SGSM1: variants seen among roughly 807,000 people sequenced by gnomAD.
The protein encoded by SGSM1 is small G protein signaling modulator 1, also known as RUN and TBC1 domain containing 2.
SGSM1 carries 73 observed loss-of-function variants against 133.8 expected under a neutral mutation model. That is an observed-to-expected ratio of 0.55 (90% CI 0.45 to 0.66). SGSM1 has a LOEUF of 0.66. Among genes scored for constraint, SGSM1 ranks in the 30% least tolerant of loss-of-function variants. The probability of loss-of-function intolerance (pLI) is 0.00; values close to 1 mark genes in which losing one functional copy is unlikely to be tolerated. For synonymous variants in SGSM1, 563 were observed against 573.0 expected (o/e 0.98, Z 0.25); for missense variants, 1,213 against 1,448.1 (o/e 0.84, Z 2.64).
chr22:24,854,942 T>G (rs903092221), intron 5 of SGSM1, 54 bp from the exon 6 acceptor site: 1 of 1,448,148 alleles, frequency 6.9e-7, no homozygotes, highest in Admixed American at 1.8e-5. Flanking sequence ...ATCTGTGGAT[T>G]GTGCGTCCTC....
intron 5 of SGSM1, among the ~76,000 whole-genome samples, chr22:24,851,960 C>T (rs1345977738): frequency 6.6e-6 from 1 of 152,228 alleles, no homozygotes; most frequent in Non-Finnish European, 1.5e-5. Flanking sequence ...ATGAAGGTTT[C>T]TGGGCCTCTT....
intron 2 of SGSM1, among the ~76,000 whole-genome samples, chr22:24,807,290 T>G (rs1413909422): frequency 2.6e-5 from 4 of 151,870 alleles, no homozygotes; most frequent in African/African-American, 9.7e-5. Context: ...GGTGAGGACC[T>G]GTGGCTGTGA....
In SGSM1 at chr22:24,859,720, A is replaced by G. The variant is rs757065114; in HGVS notation, c.806A>G (p.Asp269Gly). 6.2e-7 allele frequency: 1 copy of G among 1,613,700 alleles called. No individual in the cohort carries two copies. Among genetic ancestry groups the G allele is most frequent in the African/African-American group, 1.3e-5 (1 of 74,930 alleles). ...TGAGTCCTCCTCTCTCTGCAGAGGG[A>G]CGACATGGAGGCTGTGCCAGGGTAC... ...GKNNVLVQPR[D>G]DMEAVPGYLS... is the part of the protein sequence containing the mutation. Residue 269 changes from aspartate (D) to glycine (G), a missense_variant, in exon 9 of 25, where the codon GAC becomes GGC. Physicochemically the swap from Asp to Gly is moderately conservative, Grantham distance 94. Transcript: ENST00000400358.
At position 24,819,192 on chromosome 22, in the gene SGSM1, G is replaced by A. The variant is rs139629051; in HGVS notation, c.63+12708G>A. ...ACAACCCCAGTAATAATTATAATTA[G>A]TATTTATTGGGCACCTACTTTGTCC... is the stretch of plus-strand genomic sequence containing the variant. On this transcript the variant is annotated intron_variant, in intron 2 of 24. Transcript: ENST00000400358. Among the ~76,000 whole-genome samples the A allele has an allele frequency of 2.9e-3, 433 of 151,404 alleles. 5 individuals are homozygous for A. The highest frequency in any genetic ancestry group is 0.01 in the African/African-American group (413 of 41,228).
chr22:24,908,675 G>C (rs182399330), intron 21 of SGSM1, among the ~76,000 whole-genome samples: 1 of 151,834 alleles, frequency 6.6e-6, no homozygotes, highest in East Asian at 1.9e-4. Flanking sequence ...GGTGGCGGGC[G>C]CCTGTAGTCC....
chr22:24,854,836 T>C (rs549349694), intron 5 of SGSM1, among the ~76,000 whole-genome samples, 160 bp from the exon 6 acceptor site: 16 of 152,162 alleles, frequency 1.1e-4, no homozygotes, highest in Non-Finnish European at 2.2e-4. Flanking sequence ...AATCCTTTTT[T>C]CAGCCCTATG....
At chr22:24,869,553 G>T (rs1463315470) in intron 12 of SGSM1, among the ~76,000 whole-genome samples, 1 of 152,202 alleles carries the variant, frequency 6.6e-6, no homozygotes, top group Non-Finnish European at 1.5e-5. Context: ...CTTTTTAAAT[G>T]AGATAAAGCA....
intron 16 of SGSM1, among the ~76,000 whole-genome samples, chr22:24,888,358 T>A (rs1430179226): frequency 6.6e-6 from 1 of 152,198 alleles, no homozygotes; most frequent in Admixed American, 6.5e-5. Flanking sequence ...TTTTTTTTCT[T>A]ATATACAGTG....
At chr22:24,900,347 CTTTCTTTCTTTCTT>C (rs2123708603) in intron 19 of SGSM1, among the ~76,000 whole-genome samples, 1 of 43,516 alleles carries the variant, frequency 2.3e-5, no homozygotes, top group Admixed American at 3.8e-4. Context: ...CCTCTTCTTT[CTTTCTTTCTTTCTT>C]TCTTTCTTTC....
At chr22:24,889,933 G>A (rs1932779893) in intron 16 of SGSM1, among the ~76,000 whole-genome samples, 1 of 149,154 alleles carries the variant, frequency 6.7e-6, no homozygotes, top group Non-Finnish European at 1.5e-5. Context: ...TTATAGGCGT[G>A]AGCCACCGGG....
intron 2 of SGSM1, among the ~76,000 whole-genome samples, chr22:24,813,175 G>A (rs1927849633): frequency 1.3e-5 from 2 of 152,210 alleles, no homozygotes; most frequent in Admixed American, 1.3e-4. Context: ...GTTGGGAACA[G>A]ACCAGCTGGG....
At chr22:24,907,297 A>G (rs1293068255) in intron 21 of SGSM1, among the ~76,000 whole-genome samples, 1 of 146,440 alleles carries the variant, frequency 6.8e-6, no homozygotes, top group Non-Finnish European at 1.5e-5. Context: ...ATAAATAAAT[A>G]AATAAATAAA....
intron 3 of SGSM1, 50 bp downstream of exon 3, chr22:24,845,022 G>A (rs1930017530): frequency 2.5e-6 from 4 of 1,578,944 alleles, no homozygotes; most frequent in East Asian, 2.2e-5. Flanking sequence ...GGCTGCCTCG[G>A]GGAAGTGGTG....
intron 2 of SGSM1, among the ~76,000 whole-genome samples, chr22:24,817,207 CA>C (rs1928145397): frequency 6.6e-6 from 1 of 152,200 alleles, no homozygotes; most frequent in South Asian, 2.1e-4. Context: ...TGCCTTCCTA[CA>C]GTCCCGAGTG....
chr22:24,893,949 TC>T (rs1569167086), intron 17 of SGSM1, among the ~76,000 whole-genome samples: 1 of 152,234 alleles, frequency 6.6e-6, no homozygotes, highest in African/African-American at 2.4e-5. Context: ...TGCCTGACTT[TC>T]ATTGATTCAA....
chr22:24,921,099 A>T (rs2123751737), intron 24 of SGSM1, among the ~76,000 whole-genome samples: 1 of 151,884 alleles, frequency 6.6e-6, no homozygotes, highest in East Asian at 1.9e-4. Context: ...TGTCTTTCAT[A>T]TAATCTTTTT....
intron 2 of SGSM1, among the ~76,000 whole-genome samples, chr22:24,813,378 A>G (rs1248343383): frequency 6.6e-6 from 1 of 152,172 alleles, no homozygotes; most frequent in African/African-American, 2.4e-5. Context: ...AGAGGAAGCA[A>G]AGACACCAGA....
chr22:24,874,613 G>A, intron 12 of SGSM1: 4 of 1,543,324 alleles, frequency 2.6e-6, no homozygotes, highest in Non-Finnish European at 8.7e-7. Flanking sequence ...CCCAGGGGCT[G>A]GGTGCCAGCC....
At chr22:24,902,388 T>C (rs1463626647) in intron 20 of SGSM1, among the ~76,000 whole-genome samples, 1 of 152,148 alleles carries the variant, frequency 6.6e-6, no homozygotes, top group African/African-American at 2.4e-5. Flanking sequence ...AAAAAGATAT[T>C]ATTCCTGTAA....
Sources: allele counts gnomAD v4.1 joint callset (sites outside exome capture counted in the v4.1 genomes callset), GRCh38; gene constraint gnomAD v4.1.1; transcripts MANE v1.5; gene names NCBI Gene and HGNC (gene_info 2026-07-23, HGNC 2026-07-21).